The following RORA variants were observed in gnomAD, a reference collection of about 807,000 sequenced individuals.
RORA encodes nuclear receptor ROR-alpha.
RORA carries 7 observed loss-of-function variants against 69.5 expected under a neutral mutation model. The observed-to-expected ratio is 0.10, with a 90% CI of 0.06 to 0.19. RORA has a LOEUF of 0.19. Among genes scored for constraint, RORA ranks in the 10% least tolerant of loss-of-function variants. RORA has a pLI of 1.00. For synonymous variants in RORA, 261 were observed against 240.8 expected (o/e 1.08, Z -0.78); for missense variants, 457 against 663.0 (o/e 0.69, Z 3.41).
intron 1 of RORA, among the ~76,000 whole-genome samples, chr15:60,893,711 A>C (rs1417810868): frequency 3.3e-5 from 5 of 152,174 alleles, no homozygotes; most frequent in Non-Finnish European, 7.3e-5. Flanking sequence ...GGGGATCAAT[A>C]AATTCAGCTG....
chr15:60,970,851 A>C (rs1893693039), intron 1 of RORA, among the ~76,000 whole-genome samples: 1 of 152,152 alleles, frequency 6.6e-6, no homozygotes, highest in African/African-American at 2.4e-5. Flanking sequence ...TAAAATGAAA[A>C]GAACTGTGAA....
chr15:60,585,039 G>C (rs1263259963), intron 2 of RORA, among the ~76,000 whole-genome samples: 1 of 151,964 alleles, frequency 6.6e-6, no homozygotes, highest in East Asian at 1.9e-4. Flanking sequence ...TACAAGCCTG[G>C]TGATTATTTG....
intron 1 of RORA, among the ~76,000 whole-genome samples, chr15:60,918,007 T>TGTGTC (rs1891929753): frequency 6.6e-6 from 1 of 152,230 alleles, no homozygotes; most frequent in South Asian, 2.1e-4. Context: ...ACAGCAAACC[T>TGTGTC]TGGAGAGTTT....
chr15:61,102,341 C>G (rs2078892021), intron 1 of RORA, among the ~76,000 whole-genome samples: 1 of 152,148 alleles, frequency 6.6e-6, no homozygotes, highest in South Asian at 2.1e-4. Context: ...GTCTCTGTCT[C>G]TTCCTTGAGT....
intron 1 of RORA, among the ~76,000 whole-genome samples, chr15:60,913,945 C>T (rs569981462): frequency 4.8e-4 from 73 of 152,268 alleles, no homozygotes; most frequent in African/African-American, 1.5e-3. Context: ...GAACTCAGTC[C>T]GGTGGATTAA....
At chr15:61,104,993 G>GCCCC (rs751911711) in intron 1 of RORA, among the ~76,000 whole-genome samples, 1 of 140,914 alleles carries the variant, frequency 7.1e-6, no homozygotes, top group South Asian at 2.3e-4. Flanking sequence ...TGATCATGAG[G>GCCCC]CGCCCCCCCC....
At chr15:61,050,335 A>G (rs1897236568) in intron 1 of RORA, among the ~76,000 whole-genome samples, 1 of 152,258 alleles carries the variant, frequency 6.6e-6, no homozygotes, top group African/African-American at 2.4e-5. Flanking sequence ...CCTCTGAAAT[A>G]TAGTTTGGGA....
chr15:61,190,793 A>G (rs1302851427), intron 1 of RORA, among the ~76,000 whole-genome samples: 2 of 152,156 alleles, frequency 1.3e-5, no homozygotes, highest in African/African-American at 4.8e-5. Context: ...GAGAACTGAC[A>G]TATCACCCAG....
At chr15:61,086,911 G>A (rs1000813207) in intron 1 of RORA, among the ~76,000 whole-genome samples, 2 of 152,184 alleles carry the variant, frequency 1.3e-5, no homozygotes, top group Admixed American at 6.5e-5. Flanking sequence ...GGTGGTTCAC[G>A]CCTGGAATCT....
intron 2 of RORA, among the ~76,000 whole-genome samples, chr15:60,542,032 C>G (rs963944761): frequency 6.6e-6 from 1 of 152,196 alleles, no homozygotes; most frequent in Non-Finnish European, 1.5e-5. Flanking sequence ...CAATGTGTGT[C>G]TCTGTCACTT....
chr15:61,002,975 CAAAA>C (rs59966691), intron 1 of RORA, among the ~76,000 whole-genome samples: 96 of 116,982 alleles, frequency 8.2e-4, no homozygotes, highest in African/African-American at 3.0e-3. Context: ...ACTAAAAATA[CAAAA>C]AAAAAAAAAA....
chr15:60,592,106 C>G (rs2068536152), intron 2 of RORA, among the ~76,000 whole-genome samples: 1 of 151,892 alleles, frequency 6.6e-6, no homozygotes, highest in Non-Finnish European at 1.5e-5. Flanking sequence ...GAGACCCGCC[C>G]GGTGCCAAGC....
intron 1 of RORA, among the ~76,000 whole-genome samples, chr15:60,992,413 A>C (rs144713522): frequency 6.6e-6 from 1 of 152,114 alleles, no homozygotes; most frequent in Admixed American, 6.6e-5. Context: ...GGCCTACACG[A>C]CCCATACATT....
intron 1 of RORA, among the ~76,000 whole-genome samples, chr15:61,188,506 G>A (rs1297410810): frequency 1.3e-5 from 2 of 152,114 alleles, no homozygotes; most frequent in Admixed American, 6.5e-5. Flanking sequence ...AATGGAAAAC[G>A]TGCAACTGTC....
chr15:60,800,267 G>C (rs564127467), intron 1 of RORA, among the ~76,000 whole-genome samples: 24 of 152,034 alleles, frequency 1.6e-4, no homozygotes. Context: ...AGAATGACAC[G>C]CTGTTCCACT....
At chr15:60,763,096 T>TTTTTTTTTTTTTTTTTTTTTTTTTTTA (rs375632043) in intron 1 of RORA, among the ~76,000 whole-genome samples, 1 of 109,368 alleles carries the variant, frequency 9.1e-6, no homozygotes. Context: ...TTTTTTTTTT[T>TTTTTTTTTTTTTTTTTTTTTTTTTTTA]AACCAACCTA....
intron 1 of RORA, among the ~76,000 whole-genome samples, chr15:61,130,735 T>C (rs990216630): frequency 1.3e-5 from 2 of 152,196 alleles, no homozygotes; most frequent in Non-Finnish European, 2.9e-5. Flanking sequence ...TACATGGTAG[T>C]TGTTGGTAGC....
intron 1 of RORA, among the ~76,000 whole-genome samples, chr15:60,747,669 G>A (rs540112524): frequency 3.3e-5 from 5 of 152,090 alleles, no homozygotes; most frequent in East Asian, 3.9e-4. Flanking sequence ...AAGGAGAGGC[G>A]GTTTTGAGAT....
Position 60,585,488 on chromosome 15 carries a change from T to C in RORA, c.197-53637A>G, listed in dbSNP as rs530028708. Among the ~76,000 whole-genome samples, 35 of 152,328 alleles carry C rather than the reference T, an allele frequency of 2.3e-4. 2 individuals are homozygous for C. The Middle Eastern group carries it at 0.024, about 104-fold the overall frequency. ...TGTTTTATTACCCCCCAAAAGCTAC[T>C]GTAGTTTACTTTTTTACTAAATGTT... is the stretch of plus-strand genomic sequence containing the variant. On this transcript the variant is annotated intron_variant, in intron 2 of 10. Coordinates refer to ENST00000335670, the MANE Select transcript of RORA (RefSeq NM_134261.3).
Sources: allele counts gnomAD v4.1 joint callset (sites outside exome capture counted in the v4.1 genomes callset), GRCh38; gene constraint gnomAD v4.1.1; transcripts MANE v1.5; gene names NCBI Gene and HGNC (gene_info 2026-07-23, HGNC 2026-07-21).